The following RHOJ variants were observed in gnomAD, a reference collection of about 807,000 sequenced individuals.
RHOJ encodes ras homolog family member J.
Under a neutral mutation model 23.4 loss-of-function variants are expected in RHOJ, and 11 were observed. The ratio of observed to expected loss-of-function variants is 0.47; its 90% CI spans 0.30 to 0.78. The LOEUF (loss-of-function observed/expected upper bound fraction) is 0.78. Among genes scored for constraint, RHOJ ranks in the 30% least tolerant of loss-of-function variants. The pLI, the probability that RHOJ is intolerant of heterozygous loss-of-function variation, is 0.08. For missense variants in RHOJ, 254 were observed against 273.4 expected, an observed-to-expected ratio of 0.93 and a Z score of 0.50; for synonymous variants, 102 against 102.7, an observed-to-expected ratio of 0.99 and a Z score of 0.04.
chr14:63,223,357 C>G (rs1894533631), intron 1 of RHOJ, among the ~76,000 whole-genome samples: 1 of 152,166 alleles, frequency 6.6e-6, no homozygotes, highest in Admixed American at 6.5e-5. Context: ...TCACTTTTCT[C>G]TCCTCTTCAT....
At chr14:63,260,787 T>C (rs1312181776) in intron 1 of RHOJ, among the ~76,000 whole-genome samples, 1 of 152,124 alleles carries the variant, frequency 6.6e-6, no homozygotes, top group Admixed American at 6.6e-5. Flanking sequence ...TTAGCTACTA[T>C]AAACACTTTG....
chr14:63,237,870 A>C (rs1594760356), intron 1 of RHOJ, among the ~76,000 whole-genome samples: 1 of 152,202 alleles, frequency 6.6e-6, no homozygotes, highest in Non-Finnish European at 1.5e-5. Flanking sequence ...GATTTTTCAC[A>C]TGCTTCTCTT....
chr14:63,273,734 G>A (rs1444195755), intron 2 of RHOJ, among the ~76,000 whole-genome samples: 2 of 152,222 alleles, frequency 1.3e-5, no homozygotes, highest in Admixed American at 6.5e-5. Flanking sequence ...TCAGATTGTG[G>A]CCTCTTGGGC....
At chr14:63,272,186 A>C (rs1390041832) in intron 2 of RHOJ, among the ~76,000 whole-genome samples, 2 of 152,372 alleles carry the variant, frequency 1.3e-5, no homozygotes, top group African/African-American at 4.8e-5. Flanking sequence ...CATTACTGAA[A>C]TGTATCCCCG....
Position 63,292,353 on chromosome 14 carries a change from A to G in RHOJ, c.*1329A>G, listed in dbSNP as rs533071600. Reference sequence around the variant, plus strand: ...TGGCCCTGGGAAAGCAAAAGCTCCCAGTAAGGAATCCTGTGCCCAATGATG... The same window carrying G: ...TGGCCCTGGGAAAGCAAAAGCTCCCGGTAAGGAATCCTGTGCCCAATGATG... On this transcript the variant is annotated 3_prime_UTR_variant, in exon 5 of 5. Transcript: ENST00000316754. The G allele has an allele frequency of 6.6e-6, 1 of 152,350 alleles. No individual in the cohort carries two copies. Among genetic ancestry groups the G allele is most frequent in the South Asian group, 2.1e-4 (1 of 4,832 alleles). The allele number at this position is 152,350 out of a possible 1,614,324, so 9.4% of individuals were successfully genotyped here. A position where few individuals can be genotyped will look rare whatever the true frequency, so the allele number is the denominator to read the frequency against.
intron 1 of RHOJ, among the ~76,000 whole-genome samples, chr14:63,226,468 T>C (rs1894595691): frequency 1.3e-5 from 2 of 151,440 alleles, no homozygotes; most frequent in South Asian, 4.2e-4. Flanking sequence ...GTTATGAGAA[T>C]AGAGATATGA....
chr14:63,247,680 T>G (rs185794918), intron 1 of RHOJ, among the ~76,000 whole-genome samples: 43 of 152,342 alleles, frequency 2.8e-4, no homozygotes, highest in Non-Finnish European at 2.9e-5. Context: ...TGGTAGGATC[T>G]GTTTTGCCTT....
intron 1 of RHOJ, among the ~76,000 whole-genome samples, chr14:63,211,611 T>A (rs1338251648): frequency 1.3e-5 from 2 of 152,238 alleles, no homozygotes; most frequent in Non-Finnish European, 2.9e-5. Context: ...TACTTTGTGT[T>A]GGGAACATTC....
Position 63,275,497 on chromosome 14 carries a change from G to A in RHOJ, c.238-5474G>A, listed in dbSNP as rs181558373. 5.9e-5 allele frequency among the ~76,000 whole-genome samples: 9 copies of A among 152,150 alleles called. No individual in the cohort carries two copies. The East Asian group carries it at 7.7e-4, about 13-fold the overall frequency. Reference sequence around the variant, plus strand: ...TGCTAACACTTTCTCTGAACTTTTCGTGTTTCATAATCACCCACAGTCACC... The same window carrying A: ...TGCTAACACTTTCTCTGAACTTTTCATGTTTCATAATCACCCACAGTCACC... On this transcript the variant is annotated intron_variant, in intron 2 of 4. Transcript: ENST00000316754.
At position 63,204,544 on chromosome 14, in the gene RHOJ, G is replaced by A. The variant is rs1894063463; in HGVS notation, c.-326G>A. ...TTTTGCCAGGCTAGAGACAGGGAGA[G>A]CAGAGTAAAACCCTCAGGCTGCTGA... On this transcript the variant is annotated 5_prime_UTR_variant, in exon 1 of 5. Coordinates refer to ENST00000316754, the MANE Select transcript of RHOJ (RefSeq NM_020663.5). The A allele has an allele frequency of 6.3e-6, 2 of 318,612 alleles. No individual in the cohort carries two copies. The highest frequency in any genetic ancestry group is 1.2e-5 in the Non-Finnish European group (2 of 172,970). 19.7% of individuals were successfully genotyped at this position (318,612 alleles called of 1,614,324 possible). A position where few individuals can be genotyped will look rare whatever the true frequency, so the allele number is the denominator to read the frequency against.
chr14:63,212,174 T>G (rs1292760881), intron 1 of RHOJ, among the ~76,000 whole-genome samples: 1 of 152,176 alleles, frequency 6.6e-6, no homozygotes, highest in Non-Finnish European at 1.5e-5. Context: ...TGGAAAGTTT[T>G]ATGGGCCAGG....
rs1450008132 is a variant in RHOJ, at chr14:63,260,463, G to A, written c.179-8647G>A. ...AAATGATAGAATTTAAGTGATGGGA[G>A]GTAAGTTAAATGACATTTAATCCAA... On this transcript the variant is annotated intron_variant, in intron 1 of 4. Coordinates refer to ENST00000316754, the MANE Select transcript of RHOJ (RefSeq NM_020663.5). 4.6e-5 allele frequency among the ~76,000 whole-genome samples: 7 copies of A among 152,224 alleles called. No individual in the cohort carries two copies. The East Asian group carries it at 5.8e-4, about 13-fold the overall frequency.
chr14:63,207,653 A>G (rs1220723167), intron 1 of RHOJ, among the ~76,000 whole-genome samples: 1 of 152,226 alleles, frequency 6.6e-6, no homozygotes, highest in Non-Finnish European at 1.5e-5. Context: ...TAGAGATAAA[A>G]TAGTAAGGAT....
intron 4 of RHOJ, among the ~76,000 whole-genome samples, chr14:63,286,535 G>A (rs538023565): frequency 2.6e-5 from 4 of 152,254 alleles, no homozygotes; most frequent in Admixed American, 6.5e-5. Flanking sequence ...GGCAACTGAC[G>A]GGCCAAAGTT....
chr14:63,288,102 T>C, intron 4 of RHOJ: 1 of 868,674 alleles, frequency 1.2e-6, no homozygotes, highest in Non-Finnish European at 1.4e-6. Flanking sequence ...AATAATCTGA[T>C]GACTACTTTT....
intron 1 of RHOJ, among the ~76,000 whole-genome samples, chr14:63,207,869 A>T (rs1228915758): frequency 6.6e-6 from 1 of 152,236 alleles, no homozygotes; most frequent in East Asian, 1.9e-4. Flanking sequence ...TTCTTAGAAC[A>T]GTGCCTCATG....
intron 1 of RHOJ, among the ~76,000 whole-genome samples, chr14:63,260,036 T>C (rs1168097279): frequency 6.6e-6 from 1 of 152,184 alleles, no homozygotes; most frequent in Non-Finnish European, 1.5e-5. Context: ...AAAGAAGTTA[T>C]TGAGAGCAGA....
intron 4 of RHOJ, among the ~76,000 whole-genome samples, chr14:63,288,722 A>T (rs1161214667): frequency 6.7e-6 from 1 of 149,204 alleles, no homozygotes. Flanking sequence ...AACATCCAAC[A>T]TCGTTTTCTT....
intron 1 of RHOJ, 151 bp from the exon 2 acceptor site, chr14:63,268,958 AT>A: frequency 1.7e-6 from 1 of 595,402 alleles, no homozygotes; most frequent in South Asian, 2.1e-5. Context: ...TTTGGAAATT[AT>A]GCTGTCAACT....
Sources: gnomAD v4.1 joint callset for allele counts (sites outside exome capture counted in the v4.1 genomes callset) on GRCh38, gnomAD v4.1.1 for gene constraint, MANE v1.5 for transcripts, NCBI Gene and HGNC (gene_info 2026-07-23, HGNC 2026-07-21) for gene names.